PLXDC2: variants seen among roughly 807,000 people sequenced by gnomAD.
The protein encoded by PLXDC2 is plexin domain-containing protein 2.
In PLXDC2, 40 loss-of-function variants were observed where a neutral mutation model predicts 68.9. That is an observed-to-expected ratio of 0.58 (90% confidence interval 0.45 to 0.76). PLXDC2 has a LOEUF of 0.76. Among genes scored for constraint, PLXDC2 ranks in the 30% least tolerant of loss-of-function variants. PLXDC2 has a pLI of 0.00. For missense variants in PLXDC2, 644 were observed against 661.9 expected, an observed-to-expected ratio of 0.97 and a Z score of 0.30; for synonymous variants, 243 against 234.2, an observed-to-expected ratio of 1.04 and a Z score of -0.34.
intron 10 of PLXDC2, among the ~76,000 whole-genome samples, chr10:20,217,022 G>T (rs1338161487): frequency 4.6e-5 from 7 of 152,188 alleles, no homozygotes; most frequent in African/African-American, 1.7e-4. Flanking sequence ...GATACGAAAG[G>T]AATGCACTTT....
At chr10:20,076,630 G>C (rs1446036392) in intron 4 of PLXDC2, among the ~76,000 whole-genome samples, 1 of 152,048 alleles carries the variant, frequency 6.6e-6, no homozygotes, top group Non-Finnish European at 1.5e-5. Flanking sequence ...TAGTTTGTCT[G>C]TTGTTTCCTT....
chr10:20,259,475 G>GA (rs1835783317), intron 13 of PLXDC2, among the ~76,000 whole-genome samples: 1 of 152,126 alleles, frequency 6.6e-6, no homozygotes. Flanking sequence ...TCAGATTTTA[G>GA]AAAATCTGTG....
chr10:20,023,983 T>A (rs562021945), intron 2 of PLXDC2, among the ~76,000 whole-genome samples: 1 of 152,098 alleles, frequency 6.6e-6, no homozygotes, highest in Non-Finnish European at 1.5e-5. Context: ...TTTTCCTTGT[T>A]CCTATTCTGC....
intron 1 of PLXDC2, among the ~76,000 whole-genome samples, chr10:19,975,115 T>C (rs897369054): frequency 5.9e-5 from 9 of 152,186 alleles, no homozygotes; most frequent in Non-Finnish European, 1.2e-4. Context: ...AATAATATGG[T>C]AATAGTGCTA....
At chr10:19,852,938 A>G (rs1373009678) in intron 1 of PLXDC2, among the ~76,000 whole-genome samples, 1 of 152,230 alleles carries the variant, frequency 6.6e-6, no homozygotes, top group Non-Finnish European at 1.5e-5. Flanking sequence ...TAAAATAGGC[A>G]ATATAATCAT....
intron 13 of PLXDC2, among the ~76,000 whole-genome samples, chr10:20,266,231 T>C (rs1303586968): frequency 6.6e-6 from 1 of 152,096 alleles, no homozygotes; most frequent in East Asian, 1.9e-4. Flanking sequence ...TTAGAAAAAG[T>C]GGTTTATAGA....
intron 2 of PLXDC2, among the ~76,000 whole-genome samples, chr10:20,030,068 A>C (rs1589595351): frequency 6.6e-6 from 1 of 152,346 alleles, no homozygotes; most frequent in East Asian, 1.9e-4. Flanking sequence ...TTATTTGAAA[A>C]AAAATGGATG....
chr10:19,897,857 A>G (rs572024770), intron 1 of PLXDC2, among the ~76,000 whole-genome samples: 5 of 152,172 alleles, frequency 3.3e-5, no homozygotes, highest in Non-Finnish European at 5.9e-5. Context: ...AATAACATTC[A>G]TTATTAGTAA....
At chr10:20,056,050 A>G (rs1002086879) in intron 3 of PLXDC2, among the ~76,000 whole-genome samples, 1 of 152,164 alleles carries the variant, frequency 6.6e-6, no homozygotes, top group African/African-American at 2.4e-5. Flanking sequence ...GTTTATTACA[A>G]CTATGAGACC....
chr10:19,890,719 C>G (rs145374657), intron 1 of PLXDC2, among the ~76,000 whole-genome samples: 80 of 122,838 alleles, frequency 6.5e-4, no homozygotes, highest in East Asian at 5.0e-3. Context: ...TCAAGAACGG[C>G]TAAACCCCAC....
At chr10:19,838,892 T>G (rs932974219) in intron 1 of PLXDC2, among the ~76,000 whole-genome samples, 9 of 152,144 alleles carry the variant, frequency 5.9e-5, no homozygotes, top group African/African-American at 1.4e-4. Context: ...TCGCTTAAGA[T>G]TACTGCTCTG....
At chr10:20,166,798 G>A (rs1834382166) in intron 7 of PLXDC2, among the ~76,000 whole-genome samples, 1 of 152,022 alleles carries the variant, frequency 6.6e-6, no homozygotes. Context: ...TGATAAAATT[G>A]TACTTAGATA....
At chr10:20,115,784 A>G (rs1354449006) in intron 4 of PLXDC2, among the ~76,000 whole-genome samples, 2 of 152,168 alleles carry the variant, frequency 1.3e-5, no homozygotes, top group African/African-American at 4.8e-5. Flanking sequence ...GTCTTCTCTA[A>G]TATAGGCTTG....
intron 1 of PLXDC2, among the ~76,000 whole-genome samples, chr10:19,905,695 C>G (rs1266479800): frequency 6.6e-6 from 1 of 152,200 alleles, no homozygotes; most frequent in Non-Finnish European, 1.5e-5. Flanking sequence ...GAATAATTAG[C>G]TCCTTTTGAA....
At chr10:19,925,497 C>A (rs940567782) in intron 1 of PLXDC2, among the ~76,000 whole-genome samples, 1 of 152,166 alleles carries the variant, frequency 6.6e-6, no homozygotes, top group Non-Finnish European at 1.5e-5. Context: ...GAAAATAAGG[C>A]CACTATCTGA....
chr10:19,898,975 A>G (rs1365553997), intron 1 of PLXDC2, among the ~76,000 whole-genome samples: 1 of 152,180 alleles, frequency 6.6e-6, no homozygotes, highest in Non-Finnish European at 1.5e-5. Context: ...CACTTTGTCT[A>G]TGCTAGAATA....
intron 13 of PLXDC2, among the ~76,000 whole-genome samples, chr10:20,253,886 T>G (rs1336459705): frequency 6.6e-6 from 1 of 152,194 alleles, no homozygotes; most frequent in Admixed American, 6.5e-5. Context: ...GCTGTATGGT[T>G]GTAGATGTTA....
At chr10:20,189,572 C>T (rs11011847) in intron 9 of PLXDC2, among the ~76,000 whole-genome samples, 1 of 141,070 alleles carries the variant, frequency 7.1e-6, no homozygotes, top group African/African-American at 2.6e-5. Context: ...TATATATACA[C>T]ATATATATAA....
chr10:19,829,154 C>CTTTTTTTTTTTTTTTTTT (rs71388870), intron 1 of PLXDC2, among the ~76,000 whole-genome samples: 11 of 94,420 alleles, frequency 1.2e-4, no homozygotes, highest in East Asian at 3.4e-4. Flanking sequence ...ACGCTTTCCT[C>CTTTTTTTTTTTTTTTTTT]TTTTTTTTTT....
Sources: allele counts gnomAD v4.1 joint callset (sites outside exome capture counted in the v4.1 genomes callset), GRCh38; gene constraint gnomAD v4.1.1; transcripts MANE v1.5; gene names NCBI Gene and HGNC (gene_info 2026-07-23, HGNC 2026-07-21).